LNX1: variants seen among roughly 807,000 people sequenced by gnomAD.
LNX1 encodes ligand of numb-protein X 1, also known as E3 ubiquitin-protein ligase LNX.
Under a neutral mutation model 68.4 loss-of-function variants are expected in LNX1, and 54 were observed. The observed-to-expected ratio is 0.79, with a 90% CI of 0.63 to 0.99. LNX1 has a LOEUF of 0.99. Among genes scored for constraint, LNX1 ranks in the 50% least tolerant of loss-of-function variants. The probability of loss-of-function intolerance (pLI) is 0.00; values close to 1 mark genes in which losing one functional copy is unlikely to be tolerated. For missense variants in LNX1, 906 were observed against 926.4 expected (o/e 0.98, Z 0.29); for synonymous variants, 336 against 350.0 (o/e 0.96, Z 0.45).
At chr4:53,498,441 G>A (rs1345107373) in intron 5 of LNX1, among the ~76,000 whole-genome samples, 200 bp downstream of exon 5, 1 of 151,962 alleles carries the variant, frequency 6.6e-6, no homozygotes, top group Admixed American at 6.6e-5. Context: ...AAAGGGGGGA[G>A]AGAGTGAAAG....
chr4:53,502,800 C>T (rs1725599037), intron 4 of LNX1, among the ~76,000 whole-genome samples: 1 of 152,282 alleles, frequency 6.6e-6, no homozygotes. Flanking sequence ...CCTTTGTTGT[C>T]GTTTCAACAA....
chr4:53,580,140 TG>T (rs1731742111), intron 1 of LNX1, among the ~76,000 whole-genome samples: 1 of 152,218 alleles, frequency 6.6e-6, no homozygotes, highest in African/African-American at 2.4e-5. Flanking sequence ...ATTCTACCTT[TG>T]GATAGCTTTG....
intron 2 of LNX1, among the ~76,000 whole-genome samples, chr4:53,525,950 G>A (rs912666881): frequency 9.1e-4 from 138 of 152,252 alleles, no homozygotes; most frequent in African/African-American, 3.2e-3. Flanking sequence ...GGGCAAAGAG[G>A]TAATTTGCAA....
chr4:53,532,339 G>A lies in LNX1; in HGVS notation c.381-24112C>T, dbSNP rs187950102. Among the ~76,000 whole-genome samples, 15 of 152,264 alleles carry A rather than the reference G, an allele frequency of 9.9e-5. No homozygotes were observed. In the East Asian group the frequency reaches 2.5e-3, roughly 26 times the overall value. On this transcript the variant is annotated intron_variant, in intron 2 of 10. Coordinates refer to ENST00000263925, the MANE Select transcript of LNX1 (RefSeq NM_001126328.3). Reference sequence around the variant, plus strand: ...AAAAATACAAAAATTAGCCGGGCGTGTTGGCACGCACTGTAGCCCCGGCTA... The same window carrying A: ...AAAAATACAAAAATTAGCCGGGCGTATTGGCACGCACTGTAGCCCCGGCTA...
chr4:53,466,624 G>A (rs1560610243), intron 9 of LNX1, among the ~76,000 whole-genome samples: 3 of 152,162 alleles, frequency 2.0e-5, no homozygotes, highest in South Asian at 2.1e-4. Flanking sequence ...CTGGAAAATC[G>A]GGTCACTTCC....
At chr4:53,520,937 G>A (rs1727166255) in intron 2 of LNX1, among the ~76,000 whole-genome samples, 1 of 152,190 alleles carries the variant, frequency 6.6e-6, no homozygotes. Flanking sequence ...ACTCCAGCCT[G>A]GGCAATGGTT....
chr4:53,491,238 C>CT (rs1459701490), intron 6 of LNX1, among the ~76,000 whole-genome samples: 1 of 150,652 alleles, frequency 6.6e-6, no homozygotes, highest in East Asian at 1.9e-4. Flanking sequence ...TGAAAAAGTA[C>CT]TGGTGGTCAC....
chr4:53,509,111 A>G (rs1254493881), intron 2 of LNX1, among the ~76,000 whole-genome samples: 1 of 152,210 alleles, frequency 6.6e-6, no homozygotes, highest in Admixed American at 6.5e-5. Context: ...TCGGCAAGTC[A>G]TTGCAGCGCA....
chr4:53,572,292 G>A (rs1179543239), intron 2 of LNX1, among the ~76,000 whole-genome samples: 1 of 152,108 alleles, frequency 6.6e-6, no homozygotes, highest in East Asian at 1.9e-4. Flanking sequence ...CTATTTCTGG[G>A]GAATGAGGGA....
At chr4:53,484,570 G>GA (rs1007536950) in intron 6 of LNX1, among the ~76,000 whole-genome samples, 25 of 148,624 alleles carry the variant, frequency 1.7e-4, no homozygotes, top group Middle Eastern at 3.4e-3. Context: ...CTCAAAAAAA[G>GA]AAAAAAAAAA....
At chr4:53,605,145 A>G (rs914415359) in intron 2 of LNX1, among the ~76,000 whole-genome samples, 1 of 152,170 alleles carries the variant, frequency 6.6e-6, no homozygotes, top group Non-Finnish European at 1.5e-5. Flanking sequence ...ATGAAAAGGG[A>G]TGGAGAAATA....
At chr4:53,524,471 T>C (rs1727470126) in intron 2 of LNX1, 1 of 152,180 alleles carries the variant, frequency 6.6e-6, no homozygotes, top group South Asian at 2.1e-4. Flanking sequence ...AGAAAATAGA[T>C]TGAAAGAAGC....
At chr4:53,600,894 C>T (rs1315181169) in intron 2 of LNX1, among the ~76,000 whole-genome samples, 1 of 148,412 alleles carries the variant, frequency 6.7e-6, no homozygotes, top group African/African-American at 2.5e-5. Flanking sequence ...CCACACCTGG[C>T]TAATGAAACC....
Position 53,501,299 on chromosome 4 carries a change from T to TTTTGGGG in LNX1, c.776-2457_776-2456insCCCCAAA, listed in dbSNP as rs56165716. 2.6e-4 allele frequency among the ~76,000 whole-genome samples: 10 copies of TTTTGGGG among 38,794 alleles called. 1 individual carries two copies. The highest frequency in any genetic ancestry group is 4.9e-4 in the Non-Finnish European group (7 of 14,392). The allele number at this position is 38,794 out of a possible 152,430, so 25.5% of individuals were successfully genotyped here. On this transcript the variant is annotated intron_variant, in intron 4 of 10. Coordinates refer to ENST00000263925, the MANE Select transcript of LNX1 (RefSeq NM_001126328.3). ...TAATAATCTTTTTTTTTTTTTTTTTTGGGGGTGGGGGGACAGGATCTCACT... is the reference window on the plus strand; with the variant it reads ...TAATAATCTTTTTTTTTTTTTTTTTTTTTGGGGGGGGGTGGGGGGACAGGATCTCACT...
At chr4:53,576,183 G>T in intron 1 of LNX1, 12 of 1,580,296 alleles carry the variant, frequency 7.6e-6, no homozygotes, top group Non-Finnish European at 1.0e-5. Context: ...ACTTTCAGTG[G>T]TGGGTGGATG....
At chr4:53,516,882 G>A (rs1726827459) in intron 2 of LNX1, among the ~76,000 whole-genome samples, 1 of 152,152 alleles carries the variant, frequency 6.6e-6, no homozygotes, top group Non-Finnish European at 1.5e-5. Flanking sequence ...GTTTCAGAAG[G>A]AATGAAGTTG....
upstream of LNX1, among the ~76,000 whole-genome samples, chr4:53,595,017 T>A (rs1432557718): frequency 6.6e-6 from 1 of 152,174 alleles, no homozygotes; most frequent in African/African-American, 2.4e-5. Context: ...CCCTTTTCTA[T>A]CTCTAGTTGG....
At chr4:53,638,684 A>G (rs1734569197) in intron 1 of LNX1, among the ~76,000 whole-genome samples, 1 of 152,218 alleles carries the variant, frequency 6.6e-6, no homozygotes, top group Non-Finnish European at 1.5e-5. Flanking sequence ...CCTAAGCTCC[A>G]GAAAACTGTG....
intron 7 of LNX1, among the ~76,000 whole-genome samples, chr4:53,479,570 G>C (rs1163361160): frequency 2.0e-5 from 3 of 152,196 alleles, no homozygotes. Flanking sequence ...ATCTGTGAAA[G>C]CTTCACACCC....
Sources: allele counts gnomAD v4.1 joint callset (sites outside exome capture counted in the v4.1 genomes callset), GRCh38; gene constraint gnomAD v4.1.1; transcripts MANE v1.5; gene names NCBI Gene and HGNC (gene_info 2026-07-23, HGNC 2026-07-21).